MACROH2A1: variants seen among roughly 807,000 people sequenced by gnomAD.
The protein encoded by MACROH2A1 is macroH2A.1 histone, also known as core histone macro-H2A.1.
A neutral mutation model predicts 31.6 loss-of-function variants in MACROH2A1; 2 were observed. The ratio of observed to expected loss-of-function variants is 0.06; its 90% CI spans 0.03 to 0.20. The LOEUF (loss-of-function observed/expected upper bound fraction) is 0.20, where lower values mean the gene tolerates loss of function less well. Among genes scored for constraint, MACROH2A1 ranks in the 10% least tolerant of loss-of-function variants. MACROH2A1 has a pLI of 1.00. For missense variants in MACROH2A1, 230 were observed against 474.0 expected, an observed-to-expected ratio of 0.49 and a Z score of 4.78; for synonymous variants, 169 against 189.6, an observed-to-expected ratio of 0.89 and a Z score of 0.89.
At chr5:135,338,630 T>TACTG (rs1405231052) in intron 8 of MACROH2A1, among the ~76,000 whole-genome samples, 1 of 152,242 alleles carries the variant, frequency 6.6e-6, no homozygotes, top group Admixed American at 6.5e-5. Context: ...CCCAGTGCAG[T>TACTG]ACTGACTGCT....
At chr5:135,389,578 T>C (rs114635312) in intron 1 of MACROH2A1, among the ~76,000 whole-genome samples, 48 of 152,348 alleles carry the variant, frequency 3.2e-4, no homozygotes, top group Non-Finnish European at 6.2e-4. Flanking sequence ...TTAGATTCTT[T>C]ATCTGTGAGA....
In MACROH2A1 at chr5:135,360,618, C is replaced by A. The variant is rs201914845; in HGVS notation, c.478-11G>T. ...TTCACCCTGCTTCTTCTTGCACAGA[C>A]GGAAGGGTCAGAATGTGGGCCACAC... On this transcript the variant is annotated splice_polypyrimidine_tract_variant and intron_variant, in intron 4 of 8. Transcript: ENST00000511689. 12 of 1,595,774 alleles carry A rather than the reference C, an allele frequency of 7.5e-6. No individual in the cohort carries two copies. The highest frequency in any genetic ancestry group is 9.5e-6 in the Non-Finnish European group (11 of 1,163,324).
At chr5:135,371,897 A>C (rs963084362) in intron 2 of MACROH2A1, among the ~76,000 whole-genome samples, 1 of 152,238 alleles carries the variant, frequency 6.6e-6, no homozygotes, top group Non-Finnish European at 1.5e-5. Context: ...CTGCATAAAA[A>C]TCGTGTGTTA....
At chr5:135,386,528 G>C (rs569843333) in intron 2 of MACROH2A1, among the ~76,000 whole-genome samples, 35 of 152,330 alleles carry the variant, frequency 2.3e-4, no homozygotes, top group African/African-American at 7.9e-4. Context: ...TCTGCTCTGA[G>C]CTACTTTTCC....
chr5:135,364,122 C>T (rs1763192762), intron 4 of MACROH2A1, among the ~76,000 whole-genome samples: 1 of 152,150 alleles, frequency 6.6e-6, no homozygotes, highest in Admixed American at 6.6e-5. Flanking sequence ...CCATCATTCT[C>T]AGCAAACTAT....
intron 2 of MACROH2A1, among the ~76,000 whole-genome samples, chr5:135,381,490 C>CTATA: frequency 6.6e-6 from 1 of 152,074 alleles, no homozygotes; most frequent in African/African-American, 2.4e-5. Flanking sequence ...TGGCATGCAC[C>CTATA]TATAGTCTCA....
At chr5:135,397,585 A>C (rs1048606297) in intron 1 of MACROH2A1, among the ~76,000 whole-genome samples, 4 of 152,238 alleles carry the variant, frequency 2.6e-5, no homozygotes, top group Non-Finnish European at 5.9e-5. Flanking sequence ...AGGGGGAAGA[A>C]TTTGAAGTCT....
At chr5:135,367,535 A>G (rs1292942532) in intron 4 of MACROH2A1, among the ~76,000 whole-genome samples, 1 of 152,244 alleles carries the variant, frequency 6.6e-6, no homozygotes, top group Admixed American at 6.5e-5. Context: ...ACTAAATTGG[A>G]AAGTTCAGAA....
At chr5:135,359,519 A>G (rs1330223257) in intron 5 of MACROH2A1, 2 of 984,870 alleles carry the variant, frequency 2.0e-6, no homozygotes. Flanking sequence ...TTTCTGGAAC[A>G]CAGAGTCCAC....
At chr5:135,391,319 G>A (rs1767206475) in intron 1 of MACROH2A1, among the ~76,000 whole-genome samples, 1 of 152,182 alleles carries the variant, frequency 6.6e-6, no homozygotes, top group South Asian at 2.1e-4. Flanking sequence ...GGTCAGTGAT[G>A]ATTAACAGCA....
chr5:135,353,075 A>C, intron 5 of MACROH2A1, 30 bp from the exon 6 acceptor site: 3 of 1,373,636 alleles, frequency 2.2e-6, no homozygotes, highest in Non-Finnish European at 2.1e-6. Flanking sequence ...GTGGGAAATA[A>C]CAGGAGAGCT....
intron 2 of MACROH2A1, among the ~76,000 whole-genome samples, chr5:135,386,914 C>T (rs1303695590): frequency 6.6e-6 from 1 of 152,200 alleles, no homozygotes. Context: ...TCATGGCATT[C>T]GCGAGCCAGG....
rs978508339 is a variant in MACROH2A1 at position 135,345,948 on chromosome 5, C to T, written c.778+20G>A. The T allele has an allele frequency of 5.9e-6, 9 of 1,525,586 alleles. No individual in the cohort carries two copies. The highest frequency in any genetic ancestry group is 2.2e-5 in the South Asian group (2 of 89,304). 94.5% of individuals were successfully genotyped at this position (1,525,586 alleles called of 1,614,324 possible). ...TGCATGTGTCACAACCAGATAAGCACGGTGGCTTTCCCACCTCACCTCCAG... is the reference window on the plus strand; with the variant it reads ...TGCATGTGTCACAACCAGATAAGCATGGTGGCTTTCCCACCTCACCTCCAG... On this transcript the variant is annotated intron_variant, in intron 7 of 8. Transcript: ENST00000511689.
chr5:135,381,947 A>G (rs1482244679), intron 2 of MACROH2A1, among the ~76,000 whole-genome samples: 1 of 152,244 alleles, frequency 6.6e-6, no homozygotes, highest in African/African-American at 2.4e-5. Flanking sequence ...TAGATGTGAC[A>G]GACATGTTCA....
intron 6 of MACROH2A1, among the ~76,000 whole-genome samples, chr5:135,351,807 C>G (rs1384549455): frequency 6.6e-6 from 1 of 151,926 alleles, no homozygotes; most frequent in Non-Finnish European, 1.5e-5. Context: ...ACTCAATCCT[C>G]CTGCCTCAGC....
intron 5 of MACROH2A1, chr5:135,353,498 T>G (rs1245105971): frequency 6.2e-6 from 1 of 162,096 alleles, no homozygotes; most frequent in African/African-American, 2.4e-5. Context: ...TGCCATTGTC[T>G]TCCAAGTGAC....
At chr5:135,365,229 A>G (rs982203900) in intron 4 of MACROH2A1, among the ~76,000 whole-genome samples, 1 of 152,200 alleles carries the variant, frequency 6.6e-6, no homozygotes, top group Non-Finnish European at 1.5e-5. Flanking sequence ...CCTCACTGCC[A>G]AAAGTATCCA....
At chr5:135,360,296 G>A (rs1489418669) in intron 5 of MACROH2A1, 2 of 588,570 alleles carry the variant, frequency 3.4e-6, no homozygotes, top group East Asian at 5.7e-5. Flanking sequence ...CCCTTCCCCA[G>A]CTGCCAGGGT....
At chr5:135,340,909 T>C (rs569844566) in intron 8 of MACROH2A1, among the ~76,000 whole-genome samples, 2 of 152,358 alleles carry the variant, frequency 1.3e-5, no homozygotes, top group African/African-American at 4.8e-5. Context: ...TGTACACATG[T>C]GCTGCCTTAG....
Sources: allele counts gnomAD v4.1 joint callset (sites outside exome capture counted in the v4.1 genomes callset), GRCh38; gene constraint gnomAD v4.1.1; transcripts MANE v1.5; gene names NCBI Gene and HGNC (gene_info 2026-07-23, HGNC 2026-07-21).